The following EMC1 variants were observed in gnomAD, a reference collection of about 807,000 sequenced individuals.
EMC1 encodes ER membrane protein complex subunit 1, also known as KIAA0090.
A neutral mutation model predicts 128.8 loss-of-function variants in EMC1; 103 were observed. That is an observed-to-expected ratio of 0.80 (90% CI 0.68 to 0.94). EMC1 has a LOEUF of 0.94. Among genes scored for constraint, EMC1 ranks in the 40% least tolerant of loss-of-function variants. The pLI is 0.00. For synonymous variants in EMC1, 442 were observed against 490.4 expected, an observed-to-expected ratio of 0.90 and a Z score of 1.30; for missense variants, 1,083 against 1,250.6, an observed-to-expected ratio of 0.87 and a Z score of 2.02.
At chr1:19,225,390 G>A (rs572942182) in intron 18 of EMC1, among the ~76,000 whole-genome samples, 5 of 152,282 alleles carry the variant, frequency 3.3e-5, no homozygotes, top group Admixed American at 6.5e-5. Context: ...GGTGGCTCCC[G>A]CCTGTAATCC....
Position 19,244,874 on chromosome 1 carries a change from C to T in EMC1, c.220+32G>A, listed in dbSNP as rs766949797. 2.1e-5 allele frequency: 34 copies of T among 1,611,408 alleles called. No homozygotes were observed. The Admixed American group carries it at 5.7e-4, about 27-fold the overall frequency. ...AATGGTAAGTCTTTCATCCCTGAGGCAGCCAGTAGACACAGTTCTCAGTTC... is the reference window on the plus strand; with the variant it reads ...AATGGTAAGTCTTTCATCCCTGAGGTAGCCAGTAGACACAGTTCTCAGTTC... On this transcript the variant is annotated intron_variant, in intron 2 of 22. Transcript: ENST00000477853.
At chr1:19,240,015 C>A in intron 7 of EMC1, 30 bp from the exon 8 acceptor site, 1 of 1,593,386 alleles carries the variant, frequency 6.3e-7, no homozygotes, top group Non-Finnish European at 8.6e-7. Flanking sequence ...AGGATTATGG[C>A]TAACAGCTGA....
intron 18 of EMC1, among the ~76,000 whole-genome samples, chr1:19,224,771 C>T (rs192415787): frequency 2.8e-4 from 43 of 152,368 alleles, no homozygotes; most frequent in Admixed American, 1.2e-3. Flanking sequence ...GTGAAGGCCA[C>T]GGTGGTGGCC....
intron 1 of EMC1, among the ~76,000 whole-genome samples, chr1:19,247,916 T>G (rs2093638934): frequency 1.3e-5 from 2 of 151,928 alleles, no homozygotes; most frequent in South Asian, 4.1e-4. Flanking sequence ...CCCAGCTACT[T>G]GGGAGGCTGA....
Position 19,248,059 on chromosome 1 carries a change from T to C in EMC1, c.96-3029A>G, listed in dbSNP as rs545488977. ...AGAGGTATTCCAGAAACAGGCATTG[T>C]TATCACAGATGATAGCTCCATGGGT... On this transcript the variant is annotated intron_variant, in intron 1 of 22. Coordinates refer to ENST00000477853, the MANE Select transcript of EMC1 (RefSeq NM_015047.3). 7.9e-5 allele frequency among the ~76,000 whole-genome samples: 12 copies of C among 152,132 alleles called. No homozygotes were observed. The East Asian group carries it at 2.3e-3, about 29-fold the overall frequency.
intron 1 of EMC1, among the ~76,000 whole-genome samples, chr1:19,247,999 G>A (rs2093639309): frequency 6.6e-6 from 1 of 150,590 alleles, no homozygotes; most frequent in African/African-American, 2.4e-5. Context: ...ACTCCAGGCT[G>A]AGCGACAGAG....
rs2093439183 is a variant in EMC1, at chr1:19,222,490, T to C, written c.2587+134A>G. 5 of 730,402 alleles carry C rather than the reference T, an allele frequency of 6.8e-6. No homozygotes were observed. The Admixed American group carries it at 9.0e-5, about 13-fold the overall frequency. 45.2% of individuals were successfully genotyped at this position (730,402 alleles called of 1,614,324 possible). A position where few individuals can be genotyped will look rare whatever the true frequency, so the allele number is the denominator to read the frequency against. On this transcript the variant is annotated intron_variant, in intron 20 of 22. Coordinates refer to ENST00000477853, the MANE Select transcript of EMC1 (RefSeq NM_015047.3). ...TGAACTAAGAAACTTTTTCCACCGATATATAGCCCTCCTCACCACCTTTCC... is the reference window on the plus strand; with the variant it reads ...TGAACTAAGAAACTTTTTCCACCGACATATAGCCCTCCTCACCACCTTTCC...
Position 19,244,000 on chromosome 1 carries a change from T to A in EMC1, c.236A>T (p.Asp79Val). 1 of 1,614,034 alleles carries A rather than the reference T, an allele frequency of 6.2e-7. No homozygotes were observed. ...CACAGCCCCTTCTGCCGTGCCCTTG[T>A]CAACATGGCGCCACACTGAGAGACA... ...RTGEILWRHVDKGTAEGAVDA... is the reference protein window; with the variant it reads ...RTGEILWRHVVKGTAEGAVDA... Residue 79 changes from aspartate to valine, a missense_variant, in exon 3 of 23, where the codon GAC (aspartate) becomes GTC (valine). Physicochemically the swap from Asp to Val is radical, Grantham distance 152. Coordinates refer to ENST00000477853, the MANE Select transcript of EMC1 (RefSeq NM_015047.3).
intron 4 of EMC1, 85 bp downstream of exon 4, chr1:19,243,529 A>C (rs2093617519): frequency 4.7e-6 from 6 of 1,286,458 alleles, no homozygotes; most frequent in Non-Finnish European, 6.8e-6. Context: ...GGAAAAAGCC[A>C]AAAGCCCAGA....
chr1:19,220,820 G>C lies in EMC1; in HGVS notation c.2616C>G (p.Ser872=). 6.2e-7 allele frequency: 1 copy of C among 1,613,680 alleles called. No individual in the cohort carries two copies. Among genetic ancestry groups the C allele is most frequent in the Non-Finnish European group, 8.5e-7 (1 of 1,179,862 alleles). The change falls in exon 21 of 23, where the codon TCC becomes TCG. Residue 872 remains serine, a synonymous_variant. Coordinates refer to ENST00000477853, the MANE Select transcript of EMC1 (RefSeq NM_015047.3). The part of the protein sequence containing the change: ...LIGLPSGAIL[S]LPKALLDPRR... The stretch of plus-strand genomic sequence containing the variant: ...GGGGATCCAGCAAAGCCTTAGGAAG[G>C]GAAAGAATTGCTCCAGAAGGTAGTC...
intron 1 of EMC1, among the ~76,000 whole-genome samples, chr1:19,245,234 T>C (rs1399353496): frequency 6.6e-6 from 1 of 152,132 alleles, no homozygotes; most frequent in Non-Finnish European, 1.5e-5. Flanking sequence ...GGTCAGGAGT[T>C]CGAGACCAAC....
chr1:19,220,907 A>AT, intron 20 of EMC1, 59 bp from the exon 21 acceptor site: 1 of 1,265,002 alleles, frequency 7.9e-7, no homozygotes, highest in Non-Finnish European at 1.1e-6. Context: ...GCCAGTTACA[A>AT]AAATGTCATT....
intron 21 of EMC1, chr1:19,219,910 A>C (rs1458202805): frequency 1.8e-6 from 1 of 557,018 alleles, no homozygotes; most frequent in Non-Finnish European, 3.2e-6. Context: ...ACTGAGATCT[A>C]GATTCCTACT....
chr1:19,250,303 A>G (rs915325138), intron 1 of EMC1, among the ~76,000 whole-genome samples: 1 of 151,296 alleles, frequency 6.6e-6, no homozygotes, highest in Non-Finnish European at 1.5e-5. Context: ...CTGGGCTCAG[A>G]GCAGAGCTGC....
chr1:19,232,882 C>G, intron 14 of EMC1, 54 bp downstream of exon 14: 3 of 1,605,080 alleles, frequency 1.9e-6, no homozygotes, highest in Non-Finnish European at 2.6e-6. Flanking sequence ...GCTTTTTGTT[C>G]CTCACCCTCA....
intron 12 of EMC1, among the ~76,000 whole-genome samples, chr1:19,236,702 T>C (rs1572011395): frequency 7.0e-6 from 1 of 142,936 alleles, no homozygotes; most frequent in Non-Finnish European, 1.5e-5. Context: ...GCACGGTGGC[T>C]CACACCTGTA....
chr1:19,221,785 G>C (rs1037459737), intron 20 of EMC1: 1 of 152,250 alleles, frequency 6.6e-6, no homozygotes, highest in Non-Finnish European at 1.5e-5. Flanking sequence ...TGAGATTTTA[G>C]GGCTGGCGCA....
rs1489250620 is a variant in EMC1 at position 19,220,820 on chromosome 1, G to A, written c.2616C>T (p.Ser872=). ...GGGGATCCAGCAAAGCCTTAGGAAG[G>A]GAAAGAATTGCTCCAGAAGGTAGTC... ...LIGLPSGAIL[S]LPKALLDPRR... is the part of the protein sequence containing the mutation. The change falls in exon 21 of 23, where the codon TCC becomes TCT. Residue 872 remains serine (S), a synonymous_variant. Coordinates refer to ENST00000477853, the MANE Select transcript of EMC1 (RefSeq NM_015047.3). The A allele has an allele frequency of 6.2e-7, 1 of 1,613,680 alleles. No homozygotes were observed. Among genetic ancestry groups the A allele is most frequent in the Admixed American group, 1.7e-5 (1 of 59,956 alleles).
intron 12 of EMC1, 103 bp downstream of exon 12, chr1:19,237,039 T>G: frequency 1.2e-6 from 1 of 814,584 alleles, no homozygotes; most frequent in Non-Finnish European, 2.2e-6. Flanking sequence ...ACACTCCACT[T>G]GAATCTCTTC....
Sources: allele counts gnomAD v4.1 joint callset (sites outside exome capture counted in the v4.1 genomes callset), GRCh38; gene constraint gnomAD v4.1.1; transcripts MANE v1.5; gene names NCBI Gene and HGNC (gene_info 2026-07-23, HGNC 2026-07-21).